LUC7L3: variants seen among roughly 807,000 people sequenced by gnomAD.
The protein encoded by LUC7L3 is luc7-like protein 3.
A neutral mutation model predicts 66.8 loss-of-function variants in LUC7L3; 6 were observed. The observed-to-expected ratio is 0.09, with a 90% CI of 0.05 to 0.18. The LOEUF (loss-of-function observed/expected upper bound fraction) is 0.18, where lower values mean the gene tolerates loss of function less well. Among genes scored for constraint, LUC7L3 ranks in the 10% least tolerant of loss-of-function variants. LUC7L3 has a pLI of 1.00. For synonymous variants in LUC7L3, 160 were observed against 174.7 expected, an observed-to-expected ratio of 0.92 and a Z score of 0.66; for missense variants, 341 against 531.1, an observed-to-expected ratio of 0.64 and a Z score of 3.52.
At chr17:50,744,620 A>G (rs201795356) in intron 6 of LUC7L3, 32 bp from the exon 7 acceptor site, 1 of 1,589,612 alleles carries the variant, frequency 6.3e-7, no homozygotes, top group Non-Finnish European at 8.6e-7. Flanking sequence ...TCTTCCTCAG[A>G]TGTTCTTAAA....
At chr17:50,724,611 T>TTTG (rs112805672) in intron 1 of LUC7L3, among the ~76,000 whole-genome samples, 1 of 147,170 alleles carries the variant, frequency 6.8e-6, no homozygotes, top group African/African-American at 2.5e-5. Context: ...TTTAGGAAAA[T>TTTG]TGTGTGTGTG....
At chr17:50,743,644 A>G (rs1004658763) in intron 5 of LUC7L3, 62 bp from the exon 6 acceptor site, 3 of 1,074,596 alleles carry the variant, frequency 2.8e-6, no homozygotes, top group Non-Finnish European at 4.2e-6. Flanking sequence ...AACCATGGGG[A>G]AAAAAGACAA....
At chr17:50,747,046 G>A (rs1970709704) in intron 9 of LUC7L3, among the ~76,000 whole-genome samples, 1 of 151,326 alleles carries the variant, frequency 6.6e-6, no homozygotes, top group Non-Finnish European at 1.5e-5. Context: ...TTTACACACT[G>A]CAGTGTTTCA....
At chr17:50,723,081 A>G (rs1174135459) in intron 1 of LUC7L3, 1 of 152,252 alleles carries the variant, frequency 6.6e-6, no homozygotes. Context: ...AGAAGGCACT[A>G]GTAGCCATAT....
intron 1 of LUC7L3, among the ~76,000 whole-genome samples, chr17:50,724,619 G>A (rs971556289): frequency 1.5e-4 from 21 of 137,576 alleles, no homozygotes; most frequent in Admixed American, 1.5e-3. Context: ...AATTGTGTGT[G>A]TGTGTGTGTG....
At chr17:50,722,286 C>T (rs1968833869) in intron 1 of LUC7L3, 3 of 148,572 alleles carry the variant, frequency 2.0e-5, no homozygotes, top group Admixed American at 6.8e-5. Flanking sequence ...CACCCTCCGC[C>T]TCCCGGGTTC....
At chr17:50,720,626 G>C (rs1238122432) in intron 1 of LUC7L3, among the ~76,000 whole-genome samples, 3 of 152,186 alleles carry the variant, frequency 2.0e-5, no homozygotes, top group African/African-American at 7.2e-5. Context: ...AACATGCAGT[G>C]TAATGTTTAC....
At chr17:50,731,177 T>C (rs1311856433) in intron 1 of LUC7L3, among the ~76,000 whole-genome samples, 1 of 152,186 alleles carries the variant, frequency 6.6e-6, no homozygotes, top group African/African-American at 2.4e-5. Flanking sequence ...TCTCTGGGTT[T>C]ATTCTTTTTT....
rs773784978 is a variant in LUC7L3 at position 50,741,093 on chromosome 17, T to C, written c.207-9T>C. The stretch of plus-strand genomic sequence containing the variant: ...GGAAATGAGTACTTGTTTATTTTCA[T>C]GTTACCAGGTATGAGAAGAGCTCTC... On this transcript the variant is annotated splice_polypyrimidine_tract_variant and intron_variant, in intron 3 of 9. Coordinates refer to ENST00000505658, the MANE Select transcript of LUC7L3 (RefSeq NM_016424.5). 1 of 1,613,906 alleles carries C rather than the reference T, an allele frequency of 6.2e-7. No individual in the cohort carries two copies. Among genetic ancestry groups the C allele is most frequent in the South Asian group, 1.1e-5 (1 of 91,054 alleles).
At position 50,751,464 on chromosome 17, in the gene LUC7L3, A is replaced by G. The variant is rs747917308; in HGVS notation, c.*803A>G. On this transcript the variant is annotated 3_prime_UTR_variant, in exon 10 of 10. Transcript: ENST00000505658. ...GTTGTGTATCTTTTTTGTTCTTTAC[A>G]AGAAGTGCAGAGGGGTTTTTTGTGT... The G allele has an allele frequency of 2.4e-6, 3 of 1,246,928 alleles. No individual in the cohort carries two copies. The highest frequency in any genetic ancestry group is 3.1e-5 in the African/African-American group (2 of 64,470). 77.2% of individuals were successfully genotyped at this position (1,246,928 alleles called of 1,614,324 possible).
chr17:50,724,996 A>C (rs1969078543), intron 1 of LUC7L3, among the ~76,000 whole-genome samples: 1 of 152,048 alleles, frequency 6.6e-6, no homozygotes, highest in African/African-American at 2.4e-5. Flanking sequence ...TTTGACAACA[A>C]GTGATCCTCC....
chr17:50,749,760 A>G (rs1262604998), intron 9 of LUC7L3, among the ~76,000 whole-genome samples: 1 of 152,218 alleles, frequency 6.6e-6, no homozygotes, highest in Non-Finnish European at 1.5e-5. Flanking sequence ...AAAAGGCTAG[A>G]CTATGCTTGC....
chr17:50,751,766 C>CT lies in LUC7L3; in HGVS notation c.*1105_*1106insT, dbSNP rs1970983165. ...ACATTTAAAGCAGCAGTGTGAATAGCAAGGACAGACACCTTCAATTTGTGA... is the reference window on the plus strand; with the variant it reads ...ACATTTAAAGCAGCAGTGTGAATAGCTAAGGACAGACACCTTCAATTTGTGA... On this transcript the variant is annotated 3_prime_UTR_variant, in exon 10 of 10. Coordinates refer to ENST00000505658, the MANE Select transcript of LUC7L3 (RefSeq NM_016424.5). The CT allele has an allele frequency of 9.8e-7, 1 of 1,023,428 alleles. No homozygotes were observed. The highest frequency in any genetic ancestry group is 5.3e-5 in the Admixed American group (1 of 18,912). 63.4% of individuals were successfully genotyped at this position (1,023,428 alleles called of 1,614,324 possible). A position where few individuals can be genotyped will look rare whatever the true frequency, so the allele number is the denominator to read the frequency against.
chr17:50,755,063 G>A lies in LUC7L3; in HGVS notation c.*4402G>A, dbSNP rs910459653. The stretch of plus-strand genomic sequence containing the variant: ...AGTTATTATGTATACAATTCTGTGG[G>A]ATGGGACTTCATGCAGGATTGGTTT... On this transcript the variant is annotated 3_prime_UTR_variant, in exon 10 of 10. Coordinates refer to ENST00000505658, the MANE Select transcript of LUC7L3 (RefSeq NM_016424.5). The A allele has an allele frequency of 6.6e-6, 1 of 152,162 alleles. No homozygotes were observed. Among genetic ancestry groups the A allele is most frequent in the Admixed American group, 6.5e-5 (1 of 15,272 alleles). 9.4% of individuals were successfully genotyped at this position (152,162 alleles called of 1,614,324 possible). A position where few individuals can be genotyped will look rare whatever the true frequency, so the allele number is the denominator to read the frequency against.
chr17:50,731,787 ACTAGATTAGGTAG>A (rs1460692915), intron 1 of LUC7L3, among the ~76,000 whole-genome samples: 1 of 152,144 alleles, frequency 6.6e-6, no homozygotes. Flanking sequence ...GGGTGATTGG[ACTAGATTAGGTAG>A]CTTCTGGTTA....
At chr17:50,723,945 A>G (rs767878859) in intron 1 of LUC7L3, 1 of 455,286 alleles carries the variant, frequency 2.2e-6, no homozygotes, top group South Asian at 1.5e-5. Context: ...GGCATTTCCT[A>G]CCTTACTCCA....
chr17:50,751,622 C>A lies in LUC7L3; in HGVS notation c.*961C>A. On this transcript the variant is annotated 3_prime_UTR_variant, in exon 10 of 10. Coordinates refer to ENST00000505658, the MANE Select transcript of LUC7L3 (RefSeq NM_016424.5). ...TACAATAAACACTTCATATTATTCG[C>A]CTTGTTACACTCAATGCAATTCTCA... is the stretch of plus-strand genomic sequence containing the variant. 1 of 1,127,716 alleles carries A rather than the reference C, an allele frequency of 8.9e-7. No homozygotes were observed. Among genetic ancestry groups the A allele is most frequent in the Non-Finnish European group, 1.1e-6 (1 of 909,958 alleles). 69.9% of individuals were successfully genotyped at this position (1,127,716 alleles called of 1,614,324 possible). A position where few individuals can be genotyped will look rare whatever the true frequency, so the allele number is the denominator to read the frequency against.
In LUC7L3 at chr17:50,754,247, A is replaced by C. The variant is rs547741456; in HGVS notation, c.*3586A>C. The stretch of plus-strand genomic sequence containing the variant: ...CAATCAGTTGGTCTTAAAAAAAAAA[A>C]AACTTTATTTTGGAAATTTAAAGAC... On this transcript the variant is annotated 3_prime_UTR_variant, in exon 10 of 10. Transcript: ENST00000505658. 289 of 152,240 alleles carry C rather than the reference A, an allele frequency of 1.9e-3. No individual in the cohort carries two copies. Among genetic ancestry groups the C allele is most frequent in the African/African-American group, 6.2e-3 (259 of 41,512 alleles). The allele number at this position is 152,240 out of a possible 1,614,324, so 9.4% of individuals were successfully genotyped here.
intron 9 of LUC7L3, among the ~76,000 whole-genome samples, chr17:50,749,928 T>C (rs926694390): frequency 2.0e-5 from 3 of 152,252 alleles, no homozygotes; most frequent in African/African-American, 7.2e-5. Context: ...TATATTACTT[T>C]TCTTAGCAAA....
Sources: allele counts gnomAD v4.1 joint callset (sites outside exome capture counted in the v4.1 genomes callset), GRCh38; gene constraint gnomAD v4.1.1; transcripts MANE v1.5; gene names NCBI Gene and HGNC (gene_info 2026-07-23, HGNC 2026-07-21).